The following MEGF10 variants were observed in gnomAD, a reference collection of about 807,000 sequenced individuals.
MEGF10 encodes the protein multiple EGF like domains 10, also known as multiple epidermal growth factor-like domains protein 10.
A neutral mutation model predicts 147.5 loss-of-function variants in MEGF10; 86 were observed. The observed-to-expected ratio is 0.58, with a 90% CI of 0.49 to 0.70. The LOEUF (loss-of-function observed/expected upper bound fraction) is 0.70, where lower values mean the gene tolerates loss of function less well. Ranked by LOEUF, MEGF10 falls within the 30% of genes least tolerant of loss-of-function variation. The pLI is 0.00. For synonymous variants in MEGF10, 478 were observed against 525.5 expected, an observed-to-expected ratio of 0.91 and a Z score of 1.24; for missense variants, 1,329 against 1,487.3, an observed-to-expected ratio of 0.89 and a Z score of 1.75.
At chr5:127,346,023 A>G (rs1761872140) in intron 4 of MEGF10, among the ~76,000 whole-genome samples, 2 of 152,154 alleles carry the variant, frequency 1.3e-5, no homozygotes, top group African/African-American at 4.8e-5. Flanking sequence ...AAATGTCATT[A>G]TTTAATTCCT....
chr5:127,438,513 T>C lies in MEGF10; in HGVS notation c.2179T>C (p.Tyr727His), dbSNP rs1765638849. 1 of 1,614,140 alleles carries C rather than the reference T, an allele frequency of 6.2e-7. No homozygotes were observed. Among genetic ancestry groups the C allele is most frequent in the South Asian group, 1.1e-5 (1 of 91,074 alleles). The change falls in exon 17 of 25, where the codon TAC becomes CAC. Residue 727 changes from tyrosine to histidine, a missense_variant. This residue lies in a region of MEGF10 where 980 missense variants were observed against 1,085.9 expected (regional missense o/e 0.90). Coordinates refer to ENST00000503335, the MANE Select transcript of MEGF10 (RefSeq NM_001256545.2). ...CCATAATGGAGCTTTCTGCAGCGCC[T>C]ACGATGGGGAATGTAAATGCACTCC... ...NCHNGAFCSA[Y>H]DGECKCTPGW... is the part of the protein sequence containing the mutation.
intron 13 of MEGF10, among the ~76,000 whole-genome samples, chr5:127,430,175 C>T (rs1765346205): frequency 6.6e-6 from 1 of 152,144 alleles, no homozygotes; most frequent in Non-Finnish European, 1.5e-5. Context: ...CATTATCACC[C>T]TGGGGTTACA....
intron 13 of MEGF10, among the ~76,000 whole-genome samples, chr5:127,430,355 T>C (rs1161344945): frequency 6.6e-6 from 1 of 152,156 alleles, no homozygotes; most frequent in Non-Finnish European, 1.5e-5. Context: ...ATAATACACA[T>C]GTACCCACAC....
At chr5:127,419,037 G>C (rs984699215) in intron 10 of MEGF10, 83 bp from the exon 11 acceptor site, 6 of 1,459,736 alleles carry the variant, frequency 4.1e-6, no homozygotes, top group Non-Finnish European at 5.5e-6. Flanking sequence ...AATTAGCATT[G>C]CCAAGATATA....
intron 5 of MEGF10, among the ~76,000 whole-genome samples, chr5:127,391,778 G>T (rs990381339): frequency 2.0e-5 from 3 of 152,102 alleles, no homozygotes; most frequent in African/African-American, 7.2e-5. Flanking sequence ...TATTGACTCT[G>T]CTGAAATGAA....
the MEGF10 span, among the ~76,000 whole-genome samples, chr5:127,247,456 A>G: frequency 1.3e-3 from 171 of 132,966 alleles, 23 homozygotes; most frequent in Middle Eastern, 7.8e-3. Context: ...GAAGAAGAAG[A>G]AGAAGAAGAA....
chr5:127,254,308 T>C, the MEGF10 span, among the ~76,000 whole-genome samples: 1 of 152,162 alleles, frequency 6.6e-6, no homozygotes, highest in Non-Finnish European at 1.5e-5. Flanking sequence ...TTTGGTTCTA[T>C]TCATATACAG....
intron 5 of MEGF10, among the ~76,000 whole-genome samples, chr5:127,381,191 A>C (rs747725175): frequency 6.6e-6 from 1 of 152,232 alleles, no homozygotes; most frequent in Non-Finnish European, 1.5e-5. Flanking sequence ...AATGGTGTAC[A>C]AATGCATACA....
intron 4 of MEGF10, among the ~76,000 whole-genome samples, chr5:127,355,931 T>C (rs1294939872): frequency 6.6e-6 from 1 of 152,184 alleles, no homozygotes; most frequent in Non-Finnish European, 1.5e-5. Context: ...ATCCTTGCCT[T>C]ATCTCTAGAA....
intron 24 of MEGF10, among the ~76,000 whole-genome samples, chr5:127,456,686 G>C (rs1333133445): frequency 6.6e-6 from 1 of 152,190 alleles, no homozygotes; most frequent in Non-Finnish European, 1.5e-5. Context: ...CCACAAACCT[G>C]CCACAGTAGG....
intron 22 of MEGF10, among the ~76,000 whole-genome samples, chr5:127,453,605 C>T (rs1444990697): frequency 6.6e-6 from 1 of 152,182 alleles, no homozygotes; most frequent in African/African-American, 2.4e-5. Context: ...GAGGGTGGAA[C>T]ATCTTGCCCA....
At position 127,410,544 on chromosome 5, in the gene MEGF10, G is replaced by T. The variant is rs1391077511; in HGVS notation, c.1073G>T (p.Gly358Val). 2 of 1,613,046 alleles carry T rather than the reference G, an allele frequency of 1.2e-6. No homozygotes were observed. The highest frequency in any genetic ancestry group is 1.7e-6 in the Non-Finnish European group (2 of 1,180,002). Residue 358 changes from glycine to valine, a missense_variant, in exon 9 of 25, where the codon GGG becomes GTG. Gly to Val is a moderately radical substitution (Grantham distance 109). Coordinates refer to ENST00000503335, the MANE Select transcript of MEGF10 (RefSeq NM_001256545.2). Reference protein sequence around the residue: ...ERCEARLCPEGLYGIKCDKRC... With the variant: ...ERCEARLCPEVLYGIKCDKRC... Reference sequence around the variant, plus strand: ...TGCGAAGCACGCCTGTGTCCTGAGGGGCTCTACGGCATCAAATGTGACAAA... The same window carrying T: ...TGCGAAGCACGCCTGTGTCCTGAGGTGCTCTACGGCATCAAATGTGACAAA...
At chr5:127,301,877 G>T (rs757888022) in intron 1 of MEGF10, among the ~76,000 whole-genome samples, 1 of 152,082 alleles carries the variant, frequency 6.6e-6, no homozygotes, top group Non-Finnish European at 1.5e-5. Context: ...TGAAAGAATC[G>T]TTCAAATGCT....
At chr5:127,268,538 G>A in the MEGF10 span, among the ~76,000 whole-genome samples, 1 of 152,096 alleles carries the variant, frequency 6.6e-6, no homozygotes, top group African/African-American at 2.4e-5. Flanking sequence ...GCGAGGCTGG[G>A]GGAGGGGCGC....
intron 24 of MEGF10, 140 bp from the exon 25 acceptor site, chr5:127,456,988 A>T: frequency 1.1e-6 from 1 of 890,172 alleles, no homozygotes; most frequent in Non-Finnish European, 1.6e-6. Flanking sequence ...GATGATTTTT[A>T]AAATCATGTT....
intron 5 of MEGF10, among the ~76,000 whole-genome samples, chr5:127,382,220 G>A (rs1322506320): frequency 1.3e-5 from 2 of 152,072 alleles, no homozygotes; most frequent in East Asian, 1.9e-4. Flanking sequence ...TTCTTGAGAT[G>A]GATAAAACTC....
intron 23 of MEGF10, 44 bp downstream of exon 23, chr5:127,454,654 T>A: frequency 1.3e-6 from 2 of 1,547,704 alleles, no homozygotes; most frequent in Non-Finnish European, 1.8e-6. Flanking sequence ...ACAATTAAAT[T>A]TTTTTTAACC....
intron 1 of MEGF10, among the ~76,000 whole-genome samples, chr5:127,315,843 CTT>C (rs749992766): frequency 5.3e-5 from 8 of 152,152 alleles, no homozygotes; most frequent in Non-Finnish European, 8.8e-5. Flanking sequence ...TTTTGAATCA[CTT>C]TGTAATAAAA....
chr5:127,442,574 T>G (rs146020216), intron 18 of MEGF10, among the ~76,000 whole-genome samples: 1 of 152,242 alleles, frequency 6.6e-6, no homozygotes, highest in Non-Finnish European at 1.5e-5. Flanking sequence ...TCCCTGAGCC[T>G]ACAGTAAAAT....
Sources: allele counts gnomAD v4.1 joint callset (sites outside exome capture counted in the v4.1 genomes callset), GRCh38; gene constraint gnomAD v4.1.1; regional missense constraint gnomAD v4.1.1; transcripts MANE v1.5; gene names NCBI Gene and HGNC (gene_info 2026-07-23, HGNC 2026-07-21).